The following MTREX variants were observed in gnomAD, a reference collection of about 807,000 sequenced individuals.
MTREX encodes Mtr4 exosome RNA helicase, also known as exosome RNA helicase MTR4.
MTREX carries 76 observed loss-of-function variants against 135.4 expected under a neutral mutation model. The ratio of observed to expected loss-of-function variants is 0.56; its 90% CI spans 0.47 to 0.68. MTREX has a LOEUF of 0.68. Among genes scored for constraint, MTREX ranks in the 30% least tolerant of loss-of-function variants. The pLI is 0.00. For synonymous variants in MTREX, 404 were observed against 401.6 expected (o/e 1.01, Z -0.07); for missense variants, 920 against 1,262.1 (o/e 0.73, Z 4.11).
At chr5:55,402,079 T>A (rs1750730293) in intron 21 of MTREX, among the ~76,000 whole-genome samples, 1 of 152,216 alleles carries the variant, frequency 6.6e-6, no homozygotes, top group African/African-American at 2.4e-5. Flanking sequence ...GAGTAGAAAC[T>A]CCTTTAATAG....
At chr5:55,393,768 G>A (rs993789046) in intron 19 of MTREX, among the ~76,000 whole-genome samples, 5 of 152,082 alleles carry the variant, frequency 3.3e-5, no homozygotes, top group African/African-American at 1.2e-4. Context: ...AGGTAATTAG[G>A]TTTAGAAAAT....
intron 13 of MTREX, among the ~76,000 whole-genome samples, 165 bp from the exon 14 acceptor site, chr5:55,352,999 ATAAT>A (rs2112071772): frequency 6.6e-6 from 1 of 152,338 alleles, no homozygotes; most frequent in South Asian, 2.1e-4. Flanking sequence ...ATGTTAATTA[ATAAT>A]TTTATATATA....
intron 7 of MTREX, among the ~76,000 whole-genome samples, chr5:55,341,985 G>C (rs1208500795): frequency 6.6e-6 from 1 of 152,122 alleles, no homozygotes; most frequent in East Asian, 1.9e-4. Context: ...AGGATCCTAG[G>C]TAGGATCATG....
intron 16 of MTREX, 105 bp from the exon 17 acceptor site, chr5:55,378,209 C>T: frequency 7.6e-7 from 1 of 1,309,942 alleles, no homozygotes; most frequent in South Asian, 1.8e-5. Context: ...TAAACAAAAA[C>T]CGCAACTACA....
chr5:55,398,698 G>A (rs186633384), intron 20 of MTREX, among the ~76,000 whole-genome samples: 10 of 152,274 alleles, frequency 6.6e-5, no homozygotes, highest in Admixed American at 6.5e-4. Context: ...TTGTCATTTT[G>A]CTAAAGTGAA....
At chr5:55,354,556 C>T (rs947047982) in intron 14 of MTREX, among the ~76,000 whole-genome samples, 8 of 152,184 alleles carry the variant, frequency 5.3e-5, no homozygotes, top group African/African-American at 1.9e-4. Flanking sequence ...AAAGGCGAAA[C>T]ATTTTTCATG....
intron 8 of MTREX, among the ~76,000 whole-genome samples, chr5:55,344,071 G>A (rs534669853): frequency 4.6e-5 from 7 of 152,014 alleles, no homozygotes; most frequent in African/African-American, 1.7e-4. Context: ...CTCCCATATT[G>A]CTTCTGTAGG....
At chr5:55,410,836 C>T (rs230774) in intron 23 of MTREX, among the ~76,000 whole-genome samples, 130,881 of 152,232 alleles carry the variant, frequency 0.86, 56,652 homozygotes, top group South Asian at 0.92. Flanking sequence ...TAAGATTTGT[C>T]AACAATCACC....
intron 21 of MTREX, among the ~76,000 whole-genome samples, chr5:55,403,136 G>A (rs1383008512): frequency 2.6e-5 from 4 of 151,906 alleles, no homozygotes; most frequent in Admixed American, 2.6e-4. Flanking sequence ...AGGAGGTTGA[G>A]GCTACAGTGA....
intron 2 of MTREX, 36 bp downstream of exon 2, chr5:55,322,500 TAATTC>T: frequency 6.7e-7 from 1 of 1,495,998 alleles, no homozygotes; most frequent in South Asian, 1.4e-5. Flanking sequence ...TAGTAACTCA[TAATTC>T]AGGTGGTTAC....
At chr5:55,359,192 T>G (rs1306675520) in intron 15 of MTREX, among the ~76,000 whole-genome samples, 7 of 152,232 alleles carry the variant, frequency 4.6e-5, no homozygotes, top group Non-Finnish European at 1.0e-4. Context: ...TAAGCTTTAT[T>G]GCAGATTAGA....
intron 11 of MTREX, among the ~76,000 whole-genome samples, chr5:55,348,263 T>C (rs1206767615): frequency 6.6e-6 from 1 of 152,100 alleles, no homozygotes; most frequent in Middle Eastern, 3.2e-3. Context: ...GCTGAACTCA[T>C]CTTTTTATCA....
Position 55,361,294 on chromosome 5 carries a change from ATAG to A in MTREX, c.1659+2600_1659+2602del, listed in dbSNP as rs549806826. On this transcript the variant is annotated intron_variant, in intron 15 of 26. Transcript: ENST00000230640. The stretch of plus-strand genomic sequence containing the variant: ...CTTCATAGTCACCTTATATGTAGAA[ATAG>A]TAGGTTTACTTTATACATTAGTATA... Among the ~76,000 whole-genome samples, 271 of 152,318 alleles carry A rather than the reference ATAG, an allele frequency of 1.8e-3. 1 individual carries two copies. The highest frequency in any genetic ancestry group is 6.2e-3 in the African/African-American group (259 of 41,570).
chr5:55,387,276 G>T (rs1385806167), intron 18 of MTREX, among the ~76,000 whole-genome samples: 3 of 152,028 alleles, frequency 2.0e-5, no homozygotes, highest in Non-Finnish European at 4.4e-5. Context: ...TTGTAGAAAT[G>T]GATTCGTTGT....
chr5:55,402,822 ATGTG>A (rs147629671), intron 21 of MTREX, among the ~76,000 whole-genome samples: 9 of 143,718 alleles, frequency 6.3e-5, no homozygotes, highest in East Asian at 6.1e-4. Context: ...AGCACATTAT[ATGTG>A]TGTGTGTGTG....
At chr5:55,338,305 C>A (rs368620330) in intron 5 of MTREX, among the ~76,000 whole-genome samples, 1 of 152,078 alleles carries the variant, frequency 6.6e-6, no homozygotes, top group African/African-American at 2.4e-5. Context: ...TTTTCCCCTT[C>A]AACTCCAGAT....
At chr5:55,388,816 A>T (rs1309687557) in intron 19 of MTREX, among the ~76,000 whole-genome samples, 1 of 152,206 alleles carries the variant, frequency 6.6e-6, no homozygotes, top group African/African-American at 2.4e-5. Flanking sequence ...TCCTTAGTTA[A>T]AATCATTTAA....
At chr5:55,324,774 G>A (rs1749346395) in intron 3 of MTREX, 1 of 151,904 alleles carries the variant, frequency 6.6e-6, no homozygotes, top group Non-Finnish European at 1.5e-5. Flanking sequence ...TAACCTCTTT[G>A]TTTATTTAAA....
intron 22 of MTREX, 42 bp downstream of exon 22, chr5:55,405,630 C>A: frequency 6.8e-7 from 1 of 1,477,372 alleles, no homozygotes; most frequent in South Asian, 1.3e-5. Context: ...TTTTTTTTTT[C>A]ATTTTTAATT....
Sources: gnomAD v4.1 joint callset for allele counts (sites outside exome capture counted in the v4.1 genomes callset) on GRCh38, gnomAD v4.1.1 for gene constraint, MANE v1.5 for transcripts, NCBI Gene and HGNC (gene_info 2026-07-23, HGNC 2026-07-21) for gene names.